The following BCL2 variants were observed in gnomAD, a reference collection of about 807,000 sequenced individuals.
BCL2 encodes apoptosis regulator Bcl-2.
BCL2 carries 1 observed loss-of-function variant against 14.2 expected under a neutral mutation model. The ratio of observed to expected loss-of-function variants is 0.07; its 90% CI spans 0.02 to 0.33. The LOEUF (loss-of-function observed/expected upper bound fraction) is 0.33, where lower values mean the gene tolerates loss of function less well. Ranked by LOEUF, BCL2 falls within the 10% of genes least tolerant of loss-of-function variation. The pLI is 0.99. For synonymous variants in BCL2, 151 were observed against 137.2 expected (o/e 1.10, Z -0.70); for missense variants, 247 against 305.9 (o/e 0.81, Z 1.44).
chr18:63,184,395 G>A (rs1382136559), intron 2 of BCL2, among the ~76,000 whole-genome samples: 1 of 152,204 alleles, frequency 6.6e-6, no homozygotes, highest in Non-Finnish European at 1.5e-5. Context: ...GAATACACTG[G>A]CATTCTTGTT....
At chr18:63,154,811 A>G (rs1232081538) in intron 2 of BCL2, among the ~76,000 whole-genome samples, 1 of 152,178 alleles carries the variant, frequency 6.6e-6, no homozygotes, top group Admixed American at 6.5e-5. Flanking sequence ...CCAGGTTCTG[A>G]TAGTGCCTGG....
chr18:63,283,743 G>A (rs554432517), intron 2 of BCL2, among the ~76,000 whole-genome samples: 4 of 152,050 alleles, frequency 2.6e-5, no homozygotes, highest in East Asian at 3.9e-4. Flanking sequence ...CAGCGATCCC[G>A]GAATTTTCAG....
At chr18:63,268,879 G>A (rs1911918907) in intron 2 of BCL2, among the ~76,000 whole-genome samples, 1 of 151,938 alleles carries the variant, frequency 6.6e-6, no homozygotes, top group South Asian at 2.1e-4. Flanking sequence ...CACAGGGGAG[G>A]GAAAACAGTA....
chr18:63,237,389 G>A (rs1431023496), intron 2 of BCL2, among the ~76,000 whole-genome samples: 3 of 152,136 alleles, frequency 2.0e-5, no homozygotes, highest in Admixed American at 6.6e-5. Flanking sequence ...GGGAGGTTCC[G>A]GAATCTCCTC....
chr18:63,196,657 G>A (rs1909454633), intron 2 of BCL2, among the ~76,000 whole-genome samples: 1 of 152,124 alleles, frequency 6.6e-6, no homozygotes, highest in East Asian at 1.9e-4. Context: ...CTTAACTCAG[G>A]CATCAAGAAA....
intron 2 of BCL2, among the ~76,000 whole-genome samples, chr18:63,205,927 C>G (rs1178299501): frequency 2.0e-5 from 3 of 152,160 alleles, no homozygotes; most frequent in African/African-American, 7.2e-5. Flanking sequence ...TTTAGCATTT[C>G]TAAGAAAGAG....
chr18:63,217,989 A>G (rs1215264674), intron 2 of BCL2, among the ~76,000 whole-genome samples: 1 of 152,208 alleles, frequency 6.6e-6, no homozygotes, highest in African/African-American at 2.4e-5. Context: ...AATGGAAAAA[A>G]GGAAGGAAGG....
rs1568222277 is a variant in BCL2, at chr18:63,169,268, CT to C, written c.586-40510del. Among the ~76,000 whole-genome samples the C allele has an allele frequency of 1.8e-4, 12 of 66,352 alleles. 2 individuals carry two copies. Among genetic ancestry groups the C allele is most frequent in the African/African-American group, 8.1e-4 (11 of 13,558 alleles). 43.5% of individuals were successfully genotyped at this position (66,352 alleles called of 152,430 possible). On this transcript the variant is annotated intron_variant, in intron 2 of 2. Transcript: ENST00000333681. ...CGTGTTTTTCTTTCTTTCTTTCTTTCTTTCTTTCTTTCTTTCTTTCTTTCTT... is the reference window on the plus strand; with the variant it reads ...CGTGTTTTTCTTTCTTTCTTTCTTTCTTCTTTCTTTCTTTCTTTCTTTCTT...
intron 2 of BCL2, among the ~76,000 whole-genome samples, chr18:63,200,499 G>T (rs1388854896): frequency 6.6e-6 from 1 of 152,204 alleles, no homozygotes; most frequent in Non-Finnish European, 1.5e-5. Context: ...ACAACAGATT[G>T]TCAAAGCCAT....
chr18:63,303,276 G>T (rs1913021061), intron 2 of BCL2, among the ~76,000 whole-genome samples: 2 of 152,172 alleles, frequency 1.3e-5, no homozygotes, highest in African/African-American at 2.4e-5. Flanking sequence ...TGAATCAGGT[G>T]TCTGGTCTTG....
At chr18:63,225,069 T>A (rs1372949164) in intron 2 of BCL2, among the ~76,000 whole-genome samples, 1 of 152,016 alleles carries the variant, frequency 6.6e-6, no homozygotes, top group Non-Finnish European at 1.5e-5. Flanking sequence ...ACTGACAGAT[T>A]ACTAATGTGA....
At chr18:63,144,234 A>G (rs1439826925) in intron 2 of BCL2, among the ~76,000 whole-genome samples, 1 of 152,112 alleles carries the variant, frequency 6.6e-6, no homozygotes, top group Non-Finnish European at 1.5e-5. Flanking sequence ...GAGCAATCCA[A>G]CCATAGGCAA....
At position 63,318,810 on chromosome 18, in the gene BCL2, T is replaced by C. The variant is rs772250802; in HGVS notation, c.-144A>G. On this transcript the variant is annotated 5_prime_UTR_variant, in exon 2 of 3. Coordinates refer to ENST00000333681, the MANE Select transcript of BCL2 (RefSeq NM_000633.3). This position sits in a 1 kb window ranked among gnomAD's most constrained non-coding sequence, Gnocchi z 7.4. ...TTCTTGGACGAGGGGGTGTCTTCAA[T>C]CACGCGGAACACTTGATTCTGGTGT... The C allele has an allele frequency of 5.9e-5, 86 of 1,456,396 alleles. No individual in the cohort carries two copies. Among genetic ancestry groups the C allele is most frequent in the Non-Finnish European group, 7.7e-5 (85 of 1,103,910 alleles). 90.2% of individuals were successfully genotyped at this position (1,456,396 alleles called of 1,614,324 possible). A position where few individuals can be genotyped will look rare whatever the true frequency, so the allele number is the denominator to read the frequency against.
At chr18:63,229,897 T>C (rs1910646109) in intron 2 of BCL2, among the ~76,000 whole-genome samples, 1 of 152,196 alleles carries the variant, frequency 6.6e-6, no homozygotes, top group Non-Finnish European at 1.5e-5. Context: ...ACCACATTTG[T>C]GATTCCTTAA....
chr18:63,132,025 T>C (rs894781762), intron 2 of BCL2, among the ~76,000 whole-genome samples: 7 of 152,200 alleles, frequency 4.6e-5, no homozygotes, highest in African/African-American at 1.7e-4. Flanking sequence ...TGATATGCAT[T>C]ACGTAGAACA....
intron 2 of BCL2, among the ~76,000 whole-genome samples, chr18:63,296,281 G>A (rs1414477545): frequency 1.3e-5 from 2 of 152,148 alleles, no homozygotes; most frequent in Non-Finnish European, 2.9e-5. Flanking sequence ...GGTCCAGCCT[G>A]GCAAGAGTTA....
chr18:63,206,074 G>T (rs924095736), intron 2 of BCL2, among the ~76,000 whole-genome samples: 13 of 152,090 alleles, frequency 8.5e-5, no homozygotes, highest in Non-Finnish European at 1.3e-4. Context: ...CTCCATGTCT[G>T]ATCCCTGTGA....
intron 2 of BCL2, among the ~76,000 whole-genome samples, chr18:63,214,737 C>T (rs1387434756): frequency 1.3e-5 from 2 of 151,746 alleles, no homozygotes; most frequent in African/African-American, 2.4e-5. Flanking sequence ...TTGAGACATA[C>T]GCTCACTCTG....
At position 63,168,064 on chromosome 18, in the gene BCL2, AAAC is replaced by A. The variant is rs991480408; in HGVS notation, c.586-39308_586-39306del. Among the ~76,000 whole-genome samples the A allele has an allele frequency of 7.2e-5, 11 of 151,912 alleles. 1 individual carries two copies. In the South Asian group the frequency reaches 1.7e-3, roughly 23 times the overall value. ...GACAAGAGAGTGGGGCCCTTTCTCT[AAAC>A]AACAACAACAACATGATTGTTGCCA... On this transcript the variant is annotated intron_variant, in intron 2 of 2. Coordinates refer to ENST00000333681, the MANE Select transcript of BCL2 (RefSeq NM_000633.3).
Sources: gnomAD v4.1 joint callset for allele counts (sites outside exome capture counted in the v4.1 genomes callset) on GRCh38, gnomAD v4.1.1 for gene constraint, Gnocchi (gnomAD v3.1) non-coding constraint, MANE v1.5 for transcripts, NCBI Gene and HGNC (gene_info 2026-07-23, HGNC 2026-07-21) for gene names.